SGSM1: variants seen among roughly 807,000 people sequenced by gnomAD.
SGSM1 encodes the protein small G protein signaling modulator 1, also known as RUN and TBC1 domain containing 2.
SGSM1 carries 73 observed loss-of-function variants against 133.8 expected under a neutral mutation model. The observed-to-expected ratio is 0.55, with a 90% CI of 0.45 to 0.66. The LOEUF (loss-of-function observed/expected upper bound fraction) is 0.66, where lower values mean the gene tolerates loss of function less well. SGSM1 is among the 30% of genes least tolerant of loss of function. The pLI is 0.00. For synonymous variants in SGSM1, 563 were observed against 573.0 expected, an observed-to-expected ratio of 0.98 and a Z score of 0.25; for missense variants, 1,213 against 1,448.1, an observed-to-expected ratio of 0.84 and a Z score of 2.64.
At chr22:24,905,810 G>T (rs369419388) in intron 21 of SGSM1, among the ~76,000 whole-genome samples, 1 of 145,888 alleles carries the variant, frequency 6.9e-6, no homozygotes, top group African/African-American at 2.6e-5. Context: ...AAAAAGAAAA[G>T]AAGAAAAGAA....
intron 24 of SGSM1, among the ~76,000 whole-genome samples, chr22:24,922,756 G>T (rs979265869): frequency 6.6e-6 from 1 of 152,112 alleles, no homozygotes. Context: ...GATTACAGGC[G>T]TGAGCCACCG....
In SGSM1 at chr22:24,886,462, G is replaced by A. The variant is rs1932606135; in HGVS notation, c.1642-138G>A. 4 of 1,111,948 alleles carry A rather than the reference G, an allele frequency of 3.6e-6. No individual in the cohort carries two copies. The South Asian group carries it at 6.5e-5, about 18-fold the overall frequency. The allele number at this position is 1,111,948 out of a possible 1,614,324, so 68.9% of individuals were successfully genotyped here. A position where few individuals can be genotyped will look rare whatever the true frequency, so the allele number is the denominator to read the frequency against. On this transcript the variant is annotated intron_variant, in intron 15 of 24. Coordinates refer to ENST00000400358, the MANE Select transcript of SGSM1 (RefSeq NM_001098497.3). ...CTCACGCCTGTAATCCCAGCACTTTGGGAGGCCAAGGCGGGCAGATCACTG... is the reference window on the plus strand; with the variant it reads ...CTCACGCCTGTAATCCCAGCACTTTAGGAGGCCAAGGCGGGCAGATCACTG...
At chr22:24,922,016 T>G (rs1315006669) in intron 24 of SGSM1, among the ~76,000 whole-genome samples, 1 of 152,008 alleles carries the variant, frequency 6.6e-6, no homozygotes, top group African/African-American at 2.4e-5. Context: ...TACATATATA[T>G]CTAAAGAAAA....
intron 21 of SGSM1, among the ~76,000 whole-genome samples, chr22:24,909,349 A>G (rs1293261144): frequency 6.6e-6 from 1 of 152,188 alleles, no homozygotes; most frequent in African/African-American, 2.4e-5. Context: ...CTAGAATCAA[A>G]ACAATAGAAA....
chr22:24,818,978 C>G (rs1928301663), intron 2 of SGSM1, among the ~76,000 whole-genome samples: 2 of 151,892 alleles, frequency 1.3e-5, no homozygotes, highest in South Asian at 4.2e-4. Context: ...AACCCCATCT[C>G]TACTAAAAAT....
chr22:24,843,272 G>T (rs1216083529), intron 2 of SGSM1, among the ~76,000 whole-genome samples: 1 of 152,102 alleles, frequency 6.6e-6, no homozygotes, highest in African/African-American at 2.4e-5. Context: ...ACTTGGTTGT[G>T]TGGGGTGGGG....
At chr22:24,844,775 C>T (rs1929998637) in intron 2 of SGSM1, 122 bp from the exon 3 acceptor site, 26 of 766,556 alleles carry the variant, frequency 3.4e-5, no homozygotes, top group Non-Finnish European at 5.1e-5. Context: ...AAGCAGGTGT[C>T]AAAACATCCC....
At chr22:24,905,425 GAACA>G (rs1363684935) in intron 21 of SGSM1, among the ~76,000 whole-genome samples, 1 of 151,884 alleles carries the variant, frequency 6.6e-6, no homozygotes, top group Non-Finnish European at 1.5e-5. Flanking sequence ...ATATGAATGA[GAACA>G]AACAAACAAA....
At chr22:24,924,090 T>G in intron 24 of SGSM1, 96 bp from the exon 25 acceptor site, 2 of 1,061,344 alleles carry the variant, frequency 1.9e-6, no homozygotes, top group Non-Finnish European at 2.9e-6. Flanking sequence ...CAATCTGTGA[T>G]GGAGATGCCC....
At chr22:24,815,190 C>CATAT (rs1927995462) in intron 2 of SGSM1, among the ~76,000 whole-genome samples, 1 of 152,138 alleles carries the variant, frequency 6.6e-6, no homozygotes, top group East Asian at 1.9e-4. Context: ...GCAGTAAGGC[C>CATAT]TCATTGAGAA....
intron 2 of SGSM1, among the ~76,000 whole-genome samples, chr22:24,823,515 G>A (rs971621852): frequency 6.6e-6 from 1 of 152,064 alleles, no homozygotes; most frequent in Non-Finnish European, 1.5e-5. Context: ...GCAGGAGAAT[G>A]ACGGGAACCT....
At chr22:24,849,153 C>G (rs1930312258) in intron 4 of SGSM1, among the ~76,000 whole-genome samples, 1 of 152,068 alleles carries the variant, frequency 6.6e-6, no homozygotes, top group Non-Finnish European at 1.5e-5. Context: ...TACTAAGCTT[C>G]CTCTATACGT....
intron 13 of SGSM1, among the ~76,000 whole-genome samples, chr22:24,878,153 G>A (rs1018612143): frequency 6.6e-6 from 1 of 152,166 alleles, no homozygotes; most frequent in Non-Finnish European, 1.5e-5. Flanking sequence ...TGGGCTAGGT[G>A]GCAAAACATA....
intron 14 of SGSM1, among the ~76,000 whole-genome samples, chr22:24,883,463 G>C (rs115716266): frequency 0.012 from 1,768 of 152,210 alleles, 38 homozygotes; most frequent in African/African-American, 0.04. Context: ...CCCCTTCTCT[G>C]CCTCTAGCCT....
intron 9 of SGSM1, among the ~76,000 whole-genome samples, chr22:24,866,890 G>A (rs1196246880): frequency 1.3e-5 from 2 of 152,288 alleles, no homozygotes; most frequent in African/African-American, 4.8e-5. Context: ...TGAACTGGGG[G>A]TGGGAAGGAT....
At position 24,879,896 on chromosome 22, in the gene SGSM1, G is replaced by A. The variant is rs1050019101; in HGVS notation, c.1495+370G>A. 7.9e-5 allele frequency among the ~76,000 whole-genome samples: 12 copies of A among 152,246 alleles called. 1 individual carries two copies. In the South Asian group the frequency reaches 2.3e-3, roughly 29 times the overall value. On this transcript the variant is annotated intron_variant, in intron 14 of 24. Transcript: ENST00000400358. Reference sequence around the variant, plus strand: ...TGCATGCTGTAGGTGCTCAATAAATGTCAGTTTCCTTCTCTCGTGGGCAGA... The same window carrying A: ...TGCATGCTGTAGGTGCTCAATAAATATCAGTTTCCTTCTCTCGTGGGCAGA...
chr22:24,890,559 G>A (rs139726), intron 16 of SGSM1, among the ~76,000 whole-genome samples: 35,941 of 151,536 alleles, frequency 0.24, 4,529 homozygotes, highest in East Asian at 0.54. Context: ...TTATTTTTTT[G>A]AGGTGGAGTC....
intron 2 of SGSM1, among the ~76,000 whole-genome samples, chr22:24,822,047 C>G (rs1026561183): frequency 1.3e-5 from 2 of 151,144 alleles, no homozygotes; most frequent in African/African-American, 4.9e-5. Flanking sequence ...AGTGTTTCCA[C>G]TGCCCTGCAA....
intron 4 of SGSM1, 67 bp downstream of exon 4, chr22:24,847,863 C>A: frequency 6.5e-7 from 1 of 1,549,414 alleles, no homozygotes; most frequent in South Asian, 1.2e-5. Context: ...TCCCTGGGTC[C>A]TGAGAGAGCC....
Sources: gnomAD v4.1 joint callset for allele counts (sites outside exome capture counted in the v4.1 genomes callset) on GRCh38, gnomAD v4.1.1 for gene constraint, MANE v1.5 for transcripts, NCBI Gene and HGNC (gene_info 2026-07-23, HGNC 2026-07-21) for gene names.